SCP2: variants seen among roughly 807,000 people sequenced by gnomAD.
SCP2 encodes SCP-2/3-oxoacyl-CoA thiolase.
SCP2 carries 48 observed loss-of-function variants against 71.4 expected under a neutral mutation model. The observed-to-expected ratio is 0.67, with a 90% CI of 0.53 to 0.86. The LOEUF is 0.86. SCP2 is among the 40% of genes least tolerant of loss of function. The pLI is 0.00. For missense variants in SCP2, 560 were observed against 655.6 expected (o/e 0.85, Z 1.59); for synonymous variants, 220 against 218.1 (o/e 1.01, Z -0.08).
At chr1:52,951,421 T>TAAAACTCTCTC (rs1438018593) in intron 4 of SCP2, among the ~76,000 whole-genome samples, 1 of 151,060 alleles carries the variant, frequency 6.6e-6, no homozygotes. Flanking sequence ...GGCAACGTAG[T>TAAAACTCTCTC]TAGAACCTGT....
At chr1:53,041,457 C>G (rs940556647) in intron 14 of SCP2, among the ~76,000 whole-genome samples, 3 of 151,520 alleles carry the variant, frequency 2.0e-5, no homozygotes, top group Non-Finnish European at 2.9e-5. Context: ...TTGTATATAA[C>G]TAGTATACCA....
chr1:52,953,974 A>G (rs1373549250), intron 4 of SCP2, among the ~76,000 whole-genome samples: 2 of 126,084 alleles, frequency 1.6e-5, no homozygotes, highest in Non-Finnish European at 3.3e-5. Context: ...AGAGTGAGAC[A>G]CTGTCTCAAA....
chr1:53,031,752 G>A (rs1446291345), intron 13 of SCP2, among the ~76,000 whole-genome samples: 1 of 152,160 alleles, frequency 6.6e-6, no homozygotes, highest in Non-Finnish European at 1.5e-5. Context: ...TATTGTCGAA[G>A]GGATGTGATT....
At chr1:53,036,365 C>T (rs1406838302) in intron 13 of SCP2, among the ~76,000 whole-genome samples, 19 of 149,838 alleles carry the variant, frequency 1.3e-4, no homozygotes, top group Admixed American at 1.3e-3. Context: ...CTGTGAATAA[C>T]ATTCTCATAT....
chr1:52,971,308 C>T (rs976816313), intron 6 of SCP2, among the ~76,000 whole-genome samples: 12 of 152,074 alleles, frequency 7.9e-5, no homozygotes, highest in Admixed American at 4.6e-4. Flanking sequence ...CTCCATTTTT[C>T]CTCAATTACC....
rs924971749 is a variant in SCP2 at position 53,043,166 on chromosome 1, C to T, written c.1468+4120C>T. 7.2e-5 allele frequency among the ~76,000 whole-genome samples: 11 copies of T among 152,298 alleles called. No individual in the cohort carries two copies. The East Asian group carries it at 1.7e-3, about 24-fold the overall frequency. On this transcript the variant is annotated intron_variant, in intron 14 of 15. Transcript: ENST00000371514. Reference sequence around the variant, plus strand: ...CCAAACCTGGGTTCAGATCTAGGCTCTGTCACTCAGAGGGTATATACCTTC... The same window carrying T: ...CCAAACCTGGGTTCAGATCTAGGCTTTGTCACTCAGAGGGTATATACCTTC...
At chr1:52,996,606 G>A (rs1045845329) in intron 11 of SCP2, among the ~76,000 whole-genome samples, 2 of 152,068 alleles carry the variant, frequency 1.3e-5, no homozygotes, top group Non-Finnish European at 2.9e-5. Context: ...CTTTGGAGAG[G>A]TCTGCCCCAC....
At chr1:52,999,427 G>A (rs1298511629) in intron 11 of SCP2, among the ~76,000 whole-genome samples, 1 of 152,168 alleles carries the variant, frequency 6.6e-6, no homozygotes, top group African/African-American at 2.4e-5. Flanking sequence ...TTCTGTAAAT[G>A]GTGTTAATTT....
intron 13 of SCP2, among the ~76,000 whole-genome samples, chr1:53,034,999 G>T (rs991993272): frequency 1.3e-5 from 2 of 152,042 alleles, no homozygotes; most frequent in Non-Finnish European, 2.9e-5. Flanking sequence ...CAGCTACTTG[G>T]GAGGCTGAGG....
intron 14 of SCP2, 24 bp from the exon 15 acceptor site, chr1:53,047,834 C>T (rs1663933193): frequency 1.4e-5 from 22 of 1,539,192 alleles, no homozygotes; most frequent in Non-Finnish European, 2.0e-5. Flanking sequence ...TATTCTCCTT[C>T]CTTCTCCTGT....
At chr1:52,984,374 T>G (rs1658783535) in intron 10 of SCP2, among the ~76,000 whole-genome samples, 1 of 152,128 alleles carries the variant, frequency 6.6e-6, no homozygotes, top group African/African-American at 2.4e-5. Context: ...TATTTACTTT[T>G]CAGAGTCCTC....
intron 11 of SCP2, among the ~76,000 whole-genome samples, chr1:52,988,376 T>C (rs1031892509): frequency 6.6e-6 from 1 of 152,196 alleles, no homozygotes; most frequent in Non-Finnish European, 1.5e-5. Flanking sequence ...CAAATAGAGA[T>C]CTTACTAGAC....
chr1:52,994,084 T>G, intron 11 of SCP2: 1 of 1,069,188 alleles, frequency 9.4e-7, no homozygotes, highest in Non-Finnish European at 1.1e-6. Flanking sequence ...GACATTATTT[T>G]AAAACTATTT....
chr1:52,996,349 C>G (rs1257542956), intron 11 of SCP2, among the ~76,000 whole-genome samples: 3 of 152,048 alleles, frequency 2.0e-5, no homozygotes, highest in African/African-American at 7.2e-5. Context: ...CATTTAGAAC[C>G]AACTGGGTTT....
chr1:52,984,725 C>T (rs1348676891), intron 10 of SCP2, among the ~76,000 whole-genome samples: 8 of 150,680 alleles, frequency 5.3e-5, no homozygotes, highest in Non-Finnish European at 1.0e-4. Flanking sequence ...TTAGTAGAGA[C>T]GGGGTTTCAC....
chr1:52,971,985 G>T (rs919040946), intron 6 of SCP2, among the ~76,000 whole-genome samples: 3 of 152,216 alleles, frequency 2.0e-5, no homozygotes, highest in Admixed American at 1.3e-4. Context: ...GAGAGAATGG[G>T]CCTGAGAGAC....
chr1:52,928,400 A>G (rs1261157614), intron 1 of SCP2, among the ~76,000 whole-genome samples: 2 of 152,246 alleles, frequency 1.3e-5, no homozygotes, highest in Non-Finnish European at 2.9e-5. Context: ...TTTGTGAAAG[A>G]GTTCCTAGGG....
At chr1:53,048,141 C>T (rs113711901) in intron 15 of SCP2, 16 of 557,832 alleles carry the variant, frequency 2.9e-5, no homozygotes, top group African/African-American at 2.4e-4. Flanking sequence ...TAAGAAAGTT[C>T]CCACGCTCAG....
At chr1:52,949,365 T>C (rs1372960405) in intron 3 of SCP2, among the ~76,000 whole-genome samples, 1 of 152,224 alleles carries the variant, frequency 6.6e-6, no homozygotes, top group Non-Finnish European at 1.5e-5. Context: ...GTGGTCATGT[T>C]ACTTGTGTTT....
Sources: gnomAD v4.1 joint callset for allele counts (sites outside exome capture counted in the v4.1 genomes callset) on GRCh38, gnomAD v4.1.1 for gene constraint, MANE v1.5 for transcripts, NCBI Gene and HGNC (gene_info 2026-07-23, HGNC 2026-07-21) for gene names.